The following CEP112 variants were observed in gnomAD, a reference collection of about 807,000 sequenced individuals.
CEP112 encodes the protein centrosomal protein 112, also known as centrosomal protein of 112 kDa.
Under a neutral mutation model 153.0 loss-of-function variants are expected in CEP112, and 127 were observed. The observed-to-expected ratio is 0.83, with a 90% confidence interval of 0.72 to 0.96. The LOEUF (loss-of-function observed/expected upper bound fraction) is 0.96. Among genes scored for constraint, CEP112 ranks in the 40% least tolerant of loss-of-function variants. The pLI is 0.00. For missense variants in CEP112, 1,089 were observed against 1,101.2 expected (o/e 0.99, Z 0.16); for synonymous variants, 358 against 374.4 (o/e 0.96, Z 0.51).
At chr17:65,762,775 G>A (rs2052686591) in intron 21 of CEP112, among the ~76,000 whole-genome samples, 4 of 151,774 alleles carry the variant, frequency 2.6e-5, no homozygotes, top group Admixed American at 2.6e-4. Context: ...ATATATGTAA[G>A]CTTATGTAAG....
intron 21 of CEP112, among the ~76,000 whole-genome samples, chr17:65,825,688 CTTAAAA>C (rs901780385): frequency 6.6e-6 from 1 of 151,910 alleles, no homozygotes; most frequent in African/African-American, 2.4e-5. Context: ...GTTATCATAA[CTTAAAA>C]TTAATTAATT....
rs778757857 is a variant in CEP112, at chr17:66,176,867, G to A, written c.260C>T (p.Pro87Leu). The change falls in exon 3 of 27, where the codon CCT becomes CTT. Residue 87 changes from proline to leucine, a missense_variant. By Grantham distance (98) the Pro-to-Leu change is moderately conservative (BLOSUM62 -3). Transcript: ENST00000535342. ...GALEGPFTHR[P>L]EPGTLKILPS... ...TAGAATTTTTAGTGTCCCGGGTTCA[G>A]GTCGGTGTGTAAAAGGGCCTTCAAG... 2 of 1,613,376 alleles carry A rather than the reference G, an allele frequency of 1.2e-6. No individual in the cohort carries two copies. The highest frequency in any genetic ancestry group is 1.7e-6 in the Non-Finnish European group (2 of 1,179,752).
intron 23 of CEP112, among the ~76,000 whole-genome samples, chr17:65,704,608 A>G (rs1257881142): frequency 6.6e-6 from 1 of 152,140 alleles, no homozygotes; most frequent in East Asian, 1.9e-4. Context: ...GTGTGTGTAC[A>G]TGGTCGTATC....
At chr17:65,759,340 C>T (rs6504343) in intron 21 of CEP112, among the ~76,000 whole-genome samples, 65,386 of 151,790 alleles carry the variant, frequency 0.43, 14,763 homozygotes, top group East Asian at 0.79. Context: ...TTTGCGGACT[C>T]AACCCTGAAT....
intron 24 of CEP112, among the ~76,000 whole-genome samples, chr17:65,648,682 G>A (rs925363768): frequency 6.6e-6 from 1 of 152,166 alleles, no homozygotes; most frequent in African/African-American, 2.4e-5. Flanking sequence ...GAAAAAAGGA[G>A]CCTTGAAAAT....
chr17:66,052,891 G>C (rs1232364111), intron 12 of CEP112, among the ~76,000 whole-genome samples: 2 of 152,166 alleles, frequency 1.3e-5, no homozygotes, highest in African/African-American at 4.8e-5. Flanking sequence ...CAGATCGCTT[G>C]AGTCCAGGAG....
chr17:66,119,898 T>C (rs915081836), intron 6 of CEP112, among the ~76,000 whole-genome samples: 1 of 152,144 alleles, frequency 6.6e-6, no homozygotes, highest in Non-Finnish European at 1.5e-5. Context: ...TATTGTCAGG[T>C]CTTTGTTTGT....
chr17:66,058,447 C>T (rs1167830717), intron 11 of CEP112, among the ~76,000 whole-genome samples: 2 of 151,902 alleles, frequency 1.3e-5, no homozygotes, highest in Non-Finnish European at 2.9e-5. Flanking sequence ...TCTATAGATT[C>T]AACACTATCC....
intron 24 of CEP112, among the ~76,000 whole-genome samples, chr17:65,641,994 A>T (rs1383514713): frequency 6.6e-6 from 1 of 152,166 alleles, no homozygotes; most frequent in African/African-American, 2.4e-5. Flanking sequence ...TAGTAAAAAA[A>T]ATAGGTTGGT....
intron 21 of CEP112, among the ~76,000 whole-genome samples, chr17:65,766,154 T>C (rs1018950845): frequency 2.1e-5 from 3 of 141,846 alleles, no homozygotes; most frequent in South Asian, 2.4e-4. Context: ...ATAGGTATCA[T>C]AACGAAGAAC....
chr17:65,681,330 G>C (rs545097891), intron 24 of CEP112, among the ~76,000 whole-genome samples: 1 of 151,994 alleles, frequency 6.6e-6, no homozygotes, highest in South Asian at 2.1e-4. Context: ...CTGGTCCCTT[G>C]GCTGTGACCC....
chr17:65,730,355 CA>C (rs1469913856), intron 23 of CEP112, among the ~76,000 whole-genome samples: 3 of 152,222 alleles, frequency 2.0e-5, no homozygotes, highest in African/African-American at 7.2e-5. Context: ...ACAGCCACAG[CA>C]TATCCAAGCC....
rs1598154884 is a variant in CEP112 at position 66,027,708 on chromosome 17, A to G, written c.1597-148T>C. ...GATTAAGTAAGCCCTACAGGTAGAA[A>G]TTGGAGTAGCTTTGTATTACGAGGC... On this transcript the variant is annotated intron_variant, in intron 15 of 26. Transcript: ENST00000535342. 5 of 544,362 alleles carry G rather than the reference A, an allele frequency of 9.2e-6. No individual in the cohort carries two copies. The East Asian group carries it at 3.3e-4, about 36-fold the overall frequency. 33.7% of individuals were successfully genotyped at this position (544,362 alleles called of 1,614,324 possible). A position where few individuals can be genotyped will look rare whatever the true frequency, so the allele number is the denominator to read the frequency against.
intron 24 of CEP112, among the ~76,000 whole-genome samples, chr17:65,671,111 G>T (rs566313979): frequency 1.3e-5 from 2 of 152,000 alleles, no homozygotes; most frequent in Admixed American, 6.6e-5. Flanking sequence ...GGCTGAGAAG[G>T]GGGGTGGGTA....
At chr17:65,874,098 T>G (rs2058747333) in intron 20 of CEP112, among the ~76,000 whole-genome samples, 1 of 152,180 alleles carries the variant, frequency 6.6e-6, no homozygotes, top group Non-Finnish European at 1.5e-5. Context: ...ATTTTACAGG[T>G]AGCTTCACAG....
At chr17:66,024,684 A>T (rs927758732) in intron 16 of CEP112, among the ~76,000 whole-genome samples, 1 of 152,192 alleles carries the variant, frequency 6.6e-6, no homozygotes, top group Admixed American at 6.5e-5. Flanking sequence ...ATGCTCACGG[A>T]TTAGAATAAT....
intron 21 of CEP112, among the ~76,000 whole-genome samples, chr17:65,832,150 A>G (rs1235155933): frequency 6.6e-6 from 1 of 152,190 alleles, no homozygotes; most frequent in African/African-American, 2.4e-5. Context: ...TAATGAAAAC[A>G]AAGATACAAC....
rs761855895 is a variant in CEP112 at position 65,970,490 on chromosome 17, CACT to C, written c.1737-8895_1737-8893del. ...CATGCATGTATATTACATGCATGCACACTACATGCATATTATATGCATGCATAT... is the reference window on the plus strand; with the variant it reads ...CATGCATGTATATTACATGCATGCACACATGCATATTATATGCATGCATAT... On this transcript the variant is annotated intron_variant, in intron 17 of 26. Coordinates refer to ENST00000535342, the MANE Select transcript of CEP112 (RefSeq NM_001199165.4). Among the ~76,000 whole-genome samples, 4 of 70,722 alleles carry C rather than the reference CACT, an allele frequency of 5.7e-5. 1 individual carries two copies. The highest frequency in any genetic ancestry group is 1.2e-4 in the African/African-American group (3 of 25,676). The allele number at this position is 70,722 out of a possible 152,430, so 46.4% of individuals were successfully genotyped here.
rs902418933 is a variant in CEP112, at chr17:65,938,034, G to C, written c.1873-10345C>G. 5.9e-5 allele frequency among the ~76,000 whole-genome samples: 7 copies of C among 117,746 alleles called. 1 individual carries two copies. 77.2% of individuals were successfully genotyped at this position (117,746 alleles called of 152,430 possible). A position where few individuals can be genotyped will look rare whatever the true frequency, so the allele number is the denominator to read the frequency against. ...GATGGTTGCCGTGTCTGTGTAGAAA[G>C]AAGTAGACATGGGAGACTTTTCATT... On this transcript the variant is annotated intron_variant, in intron 18 of 26. Transcript: ENST00000535342.
Sources: allele counts gnomAD v4.1 joint callset (sites outside exome capture counted in the v4.1 genomes callset), GRCh38; gene constraint gnomAD v4.1.1; transcripts MANE v1.5; gene names NCBI Gene and HGNC (gene_info 2026-07-23, HGNC 2026-07-21).